The following XKR6 variants were observed in gnomAD, a reference collection of about 807,000 sequenced individuals.
The protein encoded by XKR6 is XK related 6, also known as XK-related protein 6.
XKR6 carries 22 observed loss-of-function variants against 56.7 expected under a neutral mutation model. The ratio of observed to expected loss-of-function variants is 0.39; its 90% confidence interval spans 0.28 to 0.55. The LOEUF (loss-of-function observed/expected upper bound fraction) is 0.55, where lower values mean the gene tolerates loss of function less well. Among genes scored for constraint, XKR6 ranks in the 20% least tolerant of loss-of-function variants. The pLI, the probability that XKR6 is intolerant of heterozygous loss-of-function variation, is 0.66. For synonymous variants in XKR6, 524 were observed against 387.8 expected (o/e 1.35, Z -4.13); for missense variants, 852 against 889.0 (o/e 0.96, Z 0.53).
chr8:10,960,212 T>G (rs113263434), intron 1 of XKR6, among the ~76,000 whole-genome samples: 3,741 of 151,472 alleles, frequency 0.025, 68 homozygotes, highest in African/African-American at 0.054. Context: ...AGCAGGTGGG[T>G]GCAGGTATAG....
intron 1 of XKR6, chr8:11,194,826 T>C (rs551832253): frequency 2.7e-6 from 1 of 370,888 alleles, no homozygotes; most frequent in Middle Eastern, 7.5e-4. Context: ...ACCTGCCTGC[T>C]AGATTTCAGG....
At chr8:11,139,510 C>A (rs1328785252) in intron 1 of XKR6, among the ~76,000 whole-genome samples, 2 of 152,098 alleles carry the variant, frequency 1.3e-5, no homozygotes, top group African/African-American at 4.8e-5. Context: ...TCTGGCCACT[C>A]CACAGAGACA....
rs6992837 is a variant in XKR6, at chr8:10,987,715, C to T, written c.765-62885G>A. On this transcript the variant is annotated intron_variant, in intron 1 of 2. Transcript: ENST00000416569. ...TTCCCACTTCACCTAGATTAAGACC[C>T]CAAGCATTTACTATGGCCCCAAGAT... is the stretch of plus-strand genomic sequence containing the variant. Among the ~76,000 whole-genome samples, 668 of 152,316 alleles carry T rather than the reference C, an allele frequency of 4.4e-3. 6 individuals carry two copies. Among genetic ancestry groups the T allele is most frequent in the African/African-American group, 0.015 (640 of 41,568 alleles).
chr8:10,910,402 C>A (rs1800317545), intron 2 of XKR6, among the ~76,000 whole-genome samples: 1 of 152,062 alleles, frequency 6.6e-6, no homozygotes, highest in Non-Finnish European at 1.5e-5. Context: ...GATGCAGGGA[C>A]CTTCGGAAGG....
chr8:11,036,046 C>A (rs956759868), intron 1 of XKR6, among the ~76,000 whole-genome samples: 8 of 147,704 alleles, frequency 5.4e-5, no homozygotes, highest in Non-Finnish European at 1.2e-4. Context: ...TGGGCTCAAG[C>A]AATCCTCCTG....
chr8:11,039,828 G>A (rs1325609186), intron 1 of XKR6, among the ~76,000 whole-genome samples: 2 of 152,254 alleles, frequency 1.3e-5, no homozygotes, highest in African/African-American at 4.8e-5. Flanking sequence ...GCACAGGGAA[G>A]CAGCCCGAGC....
chr8:11,179,410 G>A (rs11777918), intron 1 of XKR6, among the ~76,000 whole-genome samples: 45,707 of 152,042 alleles, frequency 0.3, 7,569 homozygotes, highest in Non-Finnish European at 0.37. Flanking sequence ...AAAGTCAAGA[G>A]ATTAAAACCA....
rs1026379585 is a variant in XKR6 at position 11,090,462 on chromosome 8, A to C, written c.764+110114T>G. On this transcript the variant is annotated intron_variant, in intron 1 of 2. Coordinates refer to ENST00000416569, the MANE Select transcript of XKR6 (RefSeq NM_173683.4). ...GCCACTAAAAGCAATGTTGGAAAGG[A>C]TAGTCCTGGCAATGACACCAGCAGA... 2.6e-5 allele frequency among the ~76,000 whole-genome samples: 4 copies of C among 151,778 alleles called. No individual in the cohort carries two copies. The East Asian group carries it at 7.7e-4, about 29-fold the overall frequency.
At chr8:10,939,024 G>A (rs1244828116) in intron 1 of XKR6, among the ~76,000 whole-genome samples, 13 of 152,200 alleles carry the variant, frequency 8.5e-5, no homozygotes, top group Admixed American at 1.3e-4. Context: ...ATCTGTCCCC[G>A]AACACTATCT....
At chr8:11,128,173 A>C (rs1048462133) in intron 1 of XKR6, among the ~76,000 whole-genome samples, 1 of 152,198 alleles carries the variant, frequency 6.6e-6, no homozygotes, top group African/African-American at 2.4e-5. Flanking sequence ...AGCTTTTTCT[A>C]CTAGAAACAG....
At chr8:11,130,638 C>A (rs531376465) in intron 1 of XKR6, among the ~76,000 whole-genome samples, 1 of 150,294 alleles carries the variant, frequency 6.7e-6, no homozygotes, top group South Asian at 2.2e-4. Flanking sequence ...AGTTAACTAT[C>A]CCCACCTAAG....
intron 1 of XKR6, chr8:11,123,785 C>A (rs1270961500): frequency 4.5e-6 from 2 of 444,270 alleles, no homozygotes; most frequent in Middle Eastern, 6.6e-4. Context: ...AAAAAAGTCT[C>A]CTCATCTCAG....
intron 1 of XKR6, among the ~76,000 whole-genome samples, chr8:10,991,849 A>T (rs919280222): frequency 2.0e-5 from 3 of 152,220 alleles, no homozygotes; most frequent in African/African-American, 7.2e-5. Flanking sequence ...AATTGTCTCA[A>T]ACACTGTTCT....
chr8:10,896,825 G>A lies in XKR6; in HGVS notation c.*1127C>T, dbSNP rs1265086987. The A allele has an allele frequency of 6.6e-6, 1 of 151,438 alleles. No individual in the cohort carries two copies. Among genetic ancestry groups the A allele is most frequent in the African/African-American group, 2.4e-5 (1 of 40,988 alleles). 9.4% of individuals were successfully genotyped at this position (151,438 alleles called of 1,614,324 possible). On this transcript the variant is annotated 3_prime_UTR_variant, in exon 3 of 3. Transcript: ENST00000416569. Reference sequence around the variant, plus strand: ...AGAATTCTTTCCAGATCAATTTAAGGCTTCCCACCAAATGGAAACAGAAGA... The same window carrying A: ...AGAATTCTTTCCAGATCAATTTAAGACTTCCCACCAAATGGAAACAGAAGA...
intron 1 of XKR6, among the ~76,000 whole-genome samples, chr8:11,156,380 A>C (rs558437987): frequency 6.6e-6 from 1 of 152,212 alleles, no homozygotes; most frequent in Non-Finnish European, 1.5e-5. Flanking sequence ...GTCTGAGAGC[A>C]TGCAACACAT....
chr8:10,990,332 G>A (rs1212861396), intron 1 of XKR6, among the ~76,000 whole-genome samples: 3 of 152,296 alleles, frequency 2.0e-5, no homozygotes, highest in East Asian at 1.9e-4. Flanking sequence ...GGTACTGGCC[G>A]TGGTGCTGAA....
intron 1 of XKR6, among the ~76,000 whole-genome samples, chr8:10,930,767 G>T (rs1233379754): frequency 6.6e-6 from 1 of 152,122 alleles, no homozygotes; most frequent in African/African-American, 2.4e-5. Flanking sequence ...AAATAGAAGG[G>T]AACTTCCTTA....
chr8:10,898,693 G>T lies in XKR6; in HGVS notation c.1185C>A (p.Cys395Ter). 1 of 1,614,098 alleles carries T rather than the reference G, an allele frequency of 6.2e-7. No individual in the cohort carries two copies. The highest frequency in any genetic ancestry group is 8.5e-7 in the Non-Finnish European group (1 of 1,180,020). ...CATGGATGATCCAGAAGGCCATGGC[G>T]CACCAGTGAACCACCACGAAGATCC... ...YFGIFVVVHWCAMAFWIIHGG... is the reference protein window; with the variant it reads ...YFGIFVVVHW Residue 395 changes from cysteine to a stop codon, truncating the protein, a stop_gained, in exon 3 of 3, where the codon TGC becomes TGA. Transcript: ENST00000416569. LOFTEE classifies it high-confidence loss of function. The surrounding 1 kb of genome is among the most constrained non-coding windows in gnomAD (Gnocchi z 6.6).
intron 2 of XKR6, among the ~76,000 whole-genome samples, chr8:10,910,365 G>T (rs1330232342): frequency 2.0e-5 from 3 of 152,136 alleles, no homozygotes; most frequent in African/African-American, 7.2e-5. Context: ...GAGAAGTGGT[G>T]GGTATCCTAA....
Sources: allele counts gnomAD v4.1 joint callset (sites outside exome capture counted in the v4.1 genomes callset), GRCh38; gene constraint gnomAD v4.1.1; non-coding constraint Gnocchi (gnomAD v3.1); transcripts MANE v1.5; gene names NCBI Gene and HGNC (gene_info 2026-07-23, HGNC 2026-07-21).